SEZ6L: variants seen among roughly 807,000 people sequenced by gnomAD.
SEZ6L encodes the protein seizure related 6 homolog like.
A neutral mutation model predicts 106.2 loss-of-function variants in SEZ6L; 37 were observed. That is an observed-to-expected ratio of 0.35 (90% CI 0.27 to 0.46). The LOEUF (loss-of-function observed/expected upper bound fraction) is 0.46, where lower values mean the gene tolerates loss of function less well. Ranked by LOEUF, SEZ6L falls within the 20% of genes least tolerant of loss-of-function variation. The pLI is 1.00. For missense variants in SEZ6L, 1,172 were observed against 1,332.8 expected (o/e 0.88, Z 1.88); for synonymous variants, 541 against 570.4 (o/e 0.95, Z 0.73).
intron 1 of SEZ6L, among the ~76,000 whole-genome samples, chr22:26,214,601 T>G (rs1043809206): frequency 1.3e-5 from 2 of 152,182 alleles, no homozygotes; most frequent in African/African-American, 4.8e-5. Context: ...CTGCGGAATT[T>G]CAGGAAGGAA....
At chr22:26,275,022 A>G (rs907145081) in intron 1 of SEZ6L, among the ~76,000 whole-genome samples, 5 of 152,064 alleles carry the variant, frequency 3.3e-5, no homozygotes, top group Admixed American at 2.0e-4. Flanking sequence ...GTACACGAAG[A>G]CTCTAATCAA....
intron 15 of SEZ6L, among the ~76,000 whole-genome samples, chr22:26,377,056 G>T (rs149503434): frequency 3.9e-5 from 6 of 152,326 alleles, no homozygotes; most frequent in African/African-American, 1.4e-4. Flanking sequence ...AAGGCTGGAG[G>T]ATCGCGTGAG....
intron 10 of SEZ6L, among the ~76,000 whole-genome samples, chr22:26,341,035 C>A (rs2082816967): frequency 6.6e-6 from 1 of 151,260 alleles, no homozygotes; most frequent in African/African-American, 2.4e-5. Context: ...CATCAACATA[C>A]TTCCTAATTT....
At chr22:26,378,873 T>C (rs2084320611) in intron 16 of SEZ6L, among the ~76,000 whole-genome samples, 1 of 152,246 alleles carries the variant, frequency 6.6e-6, no homozygotes, top group African/African-American at 2.4e-5. Flanking sequence ...TCCACTTCTC[T>C]GATCTCCTGT....
chr22:26,321,619 G>A (rs977464633), intron 9 of SEZ6L, among the ~76,000 whole-genome samples: 22 of 152,200 alleles, frequency 1.4e-4, no homozygotes, highest in African/African-American at 3.9e-4. Flanking sequence ...CCAGGGTTAC[G>A]TGAGGCCCAA....
chr22:26,242,436 T>A (rs149420004), intron 1 of SEZ6L, among the ~76,000 whole-genome samples: 6 of 152,292 alleles, frequency 3.9e-5, no homozygotes, highest in Admixed American at 2.0e-4. Flanking sequence ...GGGATAATGA[T>A]AGTAAGTCCA....
chr22:26,265,596 C>T (rs916412772), intron 1 of SEZ6L, among the ~76,000 whole-genome samples: 7 of 152,152 alleles, frequency 4.6e-5, no homozygotes, highest in African/African-American at 1.2e-4. Flanking sequence ...AGCTGCAAAC[C>T]GCCTGTTAGC....
At chr22:26,323,637 T>C (rs1279741512) in intron 9 of SEZ6L, among the ~76,000 whole-genome samples, 2 of 152,120 alleles carry the variant, frequency 1.3e-5, no homozygotes, top group African/African-American at 4.8e-5. Context: ...GTGTGTAAAT[T>C]AATTAAATAA....
intron 9 of SEZ6L, among the ~76,000 whole-genome samples, chr22:26,333,399 C>G (rs1217786131): frequency 6.6e-6 from 1 of 151,438 alleles, no homozygotes; most frequent in African/African-American, 2.4e-5. Context: ...GGCAGCCTCC[C>G]TCTGATACCA....
chr22:26,170,898 G>A (rs1333339860), intron 1 of SEZ6L, among the ~76,000 whole-genome samples: 2 of 152,246 alleles, frequency 1.3e-5, no homozygotes, highest in Non-Finnish European at 1.5e-5. Flanking sequence ...CATTTGCACC[G>A]TCTTGACTCG....
chr22:26,366,195 G>C (rs145902474), intron 13 of SEZ6L, among the ~76,000 whole-genome samples: 35 of 151,160 alleles, frequency 2.3e-4, no homozygotes, highest in Non-Finnish European at 2.5e-4. Flanking sequence ...TTAGCTGGGC[G>C]TAGCGGTGCA....
At chr22:26,373,320 A>G in intron 13 of SEZ6L, 131 bp from the exon 14 acceptor site, 1 of 727,596 alleles carries the variant, frequency 1.4e-6, no homozygotes, top group East Asian at 2.5e-5. Context: ...GTGGCCCAAG[A>G]TAAGTAAAAA....
At chr22:26,368,374 A>C (rs2083890387) in intron 13 of SEZ6L, among the ~76,000 whole-genome samples, 1 of 152,260 alleles carries the variant, frequency 6.6e-6, no homozygotes, top group Non-Finnish European at 1.5e-5. Context: ...TGATGAATGG[A>C]TAAACAAAAG....
chr22:26,380,390 G>GA lies in SEZ6L; in HGVS notation c.*97dup. 1 of 937,160 alleles carries GA rather than the reference G, an allele frequency of 1.1e-6. No individual in the cohort carries two copies. The highest frequency in any genetic ancestry group is 1.7e-6 in the Non-Finnish European group (1 of 576,202). 58.1% of individuals were successfully genotyped at this position (937,160 alleles called of 1,614,324 possible). On this transcript the variant is annotated 3_prime_UTR_variant, in exon 17 of 17. Transcript: ENST00000248933. ...CATGTGGCACTTGATTGAAACCCCA[G>GA]AATGTCGACTGTCTTTTGTTTAGAC...
At chr22:26,226,458 C>A (rs191434067) in intron 1 of SEZ6L, among the ~76,000 whole-genome samples, 1 of 152,194 alleles carries the variant, frequency 6.6e-6, no homozygotes, top group Non-Finnish European at 1.5e-5. Flanking sequence ...CTGTTGCTCC[C>A]AAACACCCTT....
intron 1 of SEZ6L, among the ~76,000 whole-genome samples, chr22:26,215,703 A>G (rs111708976): frequency 1.2e-3 from 189 of 152,348 alleles, no homozygotes; most frequent in African/African-American, 4.4e-3. Flanking sequence ...CCTTCATTTC[A>G]TAGACTGAAG....
chr22:26,215,498 G>T (rs186659198), intron 1 of SEZ6L, among the ~76,000 whole-genome samples: 1 of 152,206 alleles, frequency 6.6e-6, no homozygotes, highest in Admixed American at 6.5e-5. Context: ...TGGGAGAGGC[G>T]ATTCGTTTTG....
At chr22:26,372,396 T>G (rs1214137215) in intron 13 of SEZ6L, among the ~76,000 whole-genome samples, 2 of 152,200 alleles carry the variant, frequency 1.3e-5, no homozygotes, top group African/African-American at 4.8e-5. Flanking sequence ...GGCAGGACCA[T>G]CTGCTTCAAT....
chr22:26,313,788 C>T lies in SEZ6L; in HGVS notation c.1901C>T (p.Ala634Val), dbSNP rs2081917931. The change falls in exon 9 of 17, where the codon GCT becomes GTT. Residue 634 changes from alanine (A) to valine (V), a missense_variant. Around this residue, in one of 4 missense-constraint regions of SEZ6L, gnomAD observed 534 missense variants for 691.0 expected, o/e 0.77. Transcript: ENST00000248933. ...GCCATGTGTGGTGGGGAGCTCTCTG[C>T]TGTGGCTGGGGTGGTATTGTCCCCA... ...CRAMCGGELSAVAGVVLSPNW... is the reference protein window; with the variant it reads ...CRAMCGGELSVVAGVVLSPNW... The T allele has an allele frequency of 6.2e-7, 1 of 1,611,568 alleles. No homozygotes were observed. The highest frequency in any genetic ancestry group is 1.3e-5 in the African/African-American group (1 of 74,880).
Sources: allele counts gnomAD v4.1 joint callset (sites outside exome capture counted in the v4.1 genomes callset), GRCh38; gene constraint gnomAD v4.1.1; regional missense constraint gnomAD v4.1.1; transcripts MANE v1.5; gene names NCBI Gene and HGNC (gene_info 2026-07-23, HGNC 2026-07-21).